PRKG1: variants seen among roughly 807,000 people sequenced by gnomAD.
PRKG1 encodes protein kinase cGMP-dependent 1.
PRKG1 carries 35 observed loss-of-function variants against 88.1 expected under a neutral mutation model. The observed-to-expected ratio is 0.40, with a 90% CI of 0.30 to 0.53. PRKG1 has a LOEUF of 0.53. Ranked by LOEUF, PRKG1 falls within the 20% of genes least tolerant of loss-of-function variation. The pLI is 0.59. For synonymous variants in PRKG1, 303 were observed against 292.5 expected, an observed-to-expected ratio of 1.04 and a Z score of -0.37; for missense variants, 540 against 839.8, an observed-to-expected ratio of 0.64 and a Z score of 4.41.
intron 3 of PRKG1, among the ~76,000 whole-genome samples, chr10:51,771,130 G>A (rs990163101): frequency 6.6e-6 from 1 of 152,136 alleles, no homozygotes; most frequent in African/African-American, 2.4e-5. Context: ...GCAGTTGCGA[G>A]TTTAGCTGCA....
intron 3 of PRKG1, among the ~76,000 whole-genome samples, chr10:51,568,079 G>T (rs1374634488): frequency 1.3e-5 from 2 of 151,914 alleles, no homozygotes; most frequent in Admixed American, 1.3e-4. Flanking sequence ...AATTTAAATG[G>T]GAAGGTGAAT....
At chr10:51,066,098 T>A (rs1361849568) in intron 1 of PRKG1, among the ~76,000 whole-genome samples, 1 of 151,990 alleles carries the variant, frequency 6.6e-6, no homozygotes, top group African/African-American at 2.4e-5. Context: ...AAAAGAGAAT[T>A]CCCATTGGAA....
At chr10:51,522,548 T>C (rs10740281) in intron 3 of PRKG1, among the ~76,000 whole-genome samples, 89,185 of 151,990 alleles carry the variant, frequency 0.59, 27,407 homozygotes, top group East Asian at 0.88. Flanking sequence ...ATCTTTAACA[T>C]TTTCATCATG....
At chr10:52,272,525 G>T (rs1291850800) in intron 12 of PRKG1, 44 bp downstream of exon 12, 1 of 1,354,502 alleles carries the variant, frequency 7.4e-7, no homozygotes, top group Admixed American at 1.8e-5. Context: ...AAAAACAGTT[G>T]CCCATGTTGG....
At chr10:51,785,560 A>G (rs2132571889) in intron 3 of PRKG1, among the ~76,000 whole-genome samples, 1 of 152,164 alleles carries the variant, frequency 6.6e-6, no homozygotes, top group Non-Finnish European at 1.5e-5. Flanking sequence ...GACGTTGAAG[A>G]TTTTACATTC....
intron 5 of PRKG1, among the ~76,000 whole-genome samples, chr10:52,036,984 CTG>C (rs1845631812): frequency 6.6e-6 from 1 of 152,278 alleles, no homozygotes. Context: ...AGCTCGGCGT[CTG>C]TGATGGTCTA....
intron 9 of PRKG1, among the ~76,000 whole-genome samples, chr10:52,240,156 T>C (rs1012219592): frequency 2.0e-5 from 3 of 152,326 alleles, no homozygotes; most frequent in African/African-American, 2.4e-5. Context: ...CATTAAAAAC[T>C]ACAGAATGAC....
chr10:51,707,589 C>CT (rs397959919), intron 3 of PRKG1, among the ~76,000 whole-genome samples: 20,288 of 147,398 alleles, frequency 0.14, 2,030 homozygotes, highest in African/African-American at 0.29. Flanking sequence ...ACGCATGAAT[C>CT]TTTTTTTTTT....
chr10:52,153,282 C>A lies in PRKG1; in HGVS notation c.1002-8607C>A, dbSNP rs529610367. On this transcript the variant is annotated intron_variant, in intron 8 of 17. Transcript: ENST00000373980. ...CTATTATATTCAGCATACATAAAAT[C>A]CTATTTCAATAAAAATATTAGAACA... Among the ~76,000 whole-genome samples the A allele has an allele frequency of 5.9e-5, 9 of 152,082 alleles. No homozygotes were observed. The South Asian group carries it at 1.9e-3, about 32-fold the overall frequency.
At chr10:51,125,587 C>A (rs935170288) in intron 1 of PRKG1, among the ~76,000 whole-genome samples, 2 of 148,476 alleles carry the variant, frequency 1.3e-5, no homozygotes, top group Non-Finnish European at 3.0e-5. Flanking sequence ...GAGGGTGAGG[C>A]AAGAGAATTG....
At chr10:52,229,686 A>G (rs1057036988) in intron 9 of PRKG1, among the ~76,000 whole-genome samples, 2 of 152,106 alleles carry the variant, frequency 1.3e-5, no homozygotes, top group Admixed American at 1.3e-4. Flanking sequence ...TGTGGCTTAG[A>G]GCATATTGAT....
intron 1 of PRKG1, among the ~76,000 whole-genome samples, chr10:51,027,311 C>T (rs1843220374): frequency 6.6e-6 from 1 of 152,180 alleles, no homozygotes; most frequent in African/African-American, 2.4e-5. Flanking sequence ...ATATCTGTAT[C>T]ACTACACTTC....
At chr10:51,692,766 C>T (rs781449984) in intron 3 of PRKG1, among the ~76,000 whole-genome samples, 21 of 152,180 alleles carry the variant, frequency 1.4e-4, no homozygotes, top group Non-Finnish European at 1.2e-4. Flanking sequence ...TGCATCTGCA[C>T]GTCAGATATA....
chr10:52,061,834 A>T (rs982089872), intron 6 of PRKG1, among the ~76,000 whole-genome samples: 4 of 152,158 alleles, frequency 2.6e-5, no homozygotes, highest in African/African-American at 9.6e-5. Context: ...CATGCAAGAA[A>T]TCTTTATGAA....
At chr10:51,287,900 G>T (rs1040419383) in intron 2 of PRKG1, among the ~76,000 whole-genome samples, 2 of 152,070 alleles carry the variant, frequency 1.3e-5, no homozygotes, top group Non-Finnish European at 2.9e-5. Context: ...TACTCCTACA[G>T]CATAAGATAA....
At chr10:51,790,693 C>T (rs539538862) in intron 3 of PRKG1, among the ~76,000 whole-genome samples, 9 of 152,230 alleles carry the variant, frequency 5.9e-5, no homozygotes, top group African/African-American at 1.9e-4. Flanking sequence ...TTTTTCTAGA[C>T]ATCTGATCTT....
Position 51,898,084 on chromosome 10 carries a change from C to G in PRKG1, c.699-9423C>G, listed in dbSNP as rs375435698. 3.3e-5 allele frequency among the ~76,000 whole-genome samples: 5 copies of G among 152,150 alleles called. No individual in the cohort carries two copies. The East Asian group carries it at 7.7e-4, about 23-fold the overall frequency. On this transcript the variant is annotated intron_variant, in intron 4 of 17. Coordinates refer to ENST00000373980, the MANE Select transcript of PRKG1 (RefSeq NM_006258.4). ...CTGACCTCTTTGCTACTCCTGGAATCTACCAGGCACTTAAAAACCCTTGGC... is the reference window on the plus strand; with the variant it reads ...CTGACCTCTTTGCTACTCCTGGAATGTACCAGGCACTTAAAAACCCTTGGC...
At chr10:51,854,108 G>A (rs1840622443) in intron 4 of PRKG1, among the ~76,000 whole-genome samples, 1 of 152,124 alleles carries the variant, frequency 6.6e-6, no homozygotes, top group South Asian at 2.1e-4. Flanking sequence ...GAGCAAAATT[G>A]ATGAGTAAAT....
intron 4 of PRKG1, among the ~76,000 whole-genome samples, chr10:51,895,671 C>G (rs568696177): frequency 2.6e-5 from 4 of 152,024 alleles, no homozygotes; most frequent in Admixed American, 1.3e-4. Context: ...TTTTTCCTTT[C>G]CCAAGCAGGT....
Sources: gnomAD v4.1 joint callset for allele counts (sites outside exome capture counted in the v4.1 genomes callset) on GRCh38, gnomAD v4.1.1 for gene constraint, MANE v1.5 for transcripts, NCBI Gene and HGNC (gene_info 2026-07-23, HGNC 2026-07-21) for gene names.